The following LUC7L variants were observed in gnomAD, a reference collection of about 807,000 sequenced individuals.
LUC7L encodes putative RNA-binding protein Luc7-like 1.
Under a neutral mutation model 51.1 loss-of-function variants are expected in LUC7L, and 29 were observed. That is an observed-to-expected ratio of 0.57 (90% CI 0.42 to 0.77). LUC7L has a LOEUF of 0.77. LUC7L is among the 30% of genes least tolerant of loss of function. LUC7L has a pLI of 0.00. For missense variants in LUC7L, 403 were observed against 511.9 expected (o/e 0.79, Z 2.05); for synonymous variants, 181 against 180.7 (o/e 1.00, Z -0.01).
At chr16:191,800 G>A (rs9937231) in intron 7 of LUC7L, among the ~76,000 whole-genome samples, 3,444 of 152,212 alleles carry the variant, frequency 0.023, 141 homozygotes, top group African/African-American at 0.078. Context: ...AGCCGATATC[G>A]CACCACTGCA....
rs911047718 is a variant in LUC7L at position 189,609 on chromosome 16, A to G, written c.975-270T>C. 8 of 1,338,204 alleles carry G rather than the reference A, an allele frequency of 6.0e-6. No individual in the cohort carries two copies. In the Admixed American group the frequency reaches 2.0e-4, roughly 33 times the overall value. 82.9% of individuals were successfully genotyped at this position (1,338,204 alleles called of 1,614,324 possible). The stretch of plus-strand genomic sequence containing the variant: ...GAATACAACACTATATGCACAGAAC[A>G]TGACACTACGTAAAAACACAATGGA... On this transcript the variant is annotated intron_variant, in intron 9 of 9. Coordinates refer to ENST00000293872, the MANE Select transcript of LUC7L (RefSeq NM_201412.3).
rs2048939087 is a variant in LUC7L, at chr16:189,048, C to CAACTCTGTACACTTCTAGA, written c.*131_*149dup. ...TCAACATGACCCGGGAACACAGGAG[C>CAACTCTGTACACTTCTAGA]AACTCTGTACACTTCTAGAAACTCA... On this transcript the variant is annotated 3_prime_UTR_variant, in exon 10 of 10. Transcript: ENST00000293872. 1 of 845,176 alleles carries CAACTCTGTACACTTCTAGA rather than the reference C, an allele frequency of 1.2e-6. No individual in the cohort carries two copies. Among genetic ancestry groups the CAACTCTGTACACTTCTAGA allele is most frequent in the Non-Finnish European group, 1.8e-6 (1 of 545,746 alleles). The allele number at this position is 845,176 out of a possible 1,614,324, so 52.4% of individuals were successfully genotyped here.
chr16:209,412 C>G (rs564260038), intron 3 of LUC7L: 2 of 151,062 alleles, frequency 1.3e-5, no homozygotes, highest in South Asian at 2.1e-4. Flanking sequence ...ATCGCTTGAA[C>G]CTGGGAGGAA....
At chr16:195,614 G>T (rs988367302) in intron 6 of LUC7L, among the ~76,000 whole-genome samples, 16 of 152,168 alleles carry the variant, frequency 1.1e-4, no homozygotes, top group African/African-American at 3.6e-4. Context: ...GGTAGAGACA[G>T]GGTCTCCTTA....
chr16:229,034 G>GA, intron 1 of LUC7L: 2 of 1,426,360 alleles, frequency 1.4e-6, no homozygotes, highest in Non-Finnish European at 1.8e-6. Context: ...CGGTACATAG[G>GA]AAGGAGGCTG....
intron 5 of LUC7L, among the ~76,000 whole-genome samples, chr16:202,982 C>A (rs903280548): frequency 1.3e-5 from 2 of 152,090 alleles, no homozygotes; most frequent in African/African-American, 2.4e-5. Flanking sequence ...ACCCCGTCTT[C>A]TCTACTAAAA....
chr16:216,971 C>T (rs2049820197), intron 3 of LUC7L, among the ~76,000 whole-genome samples: 2 of 152,102 alleles, frequency 1.3e-5, no homozygotes, highest in South Asian at 4.1e-4. Flanking sequence ...GTTGAGATTA[C>T]AGGCGTGAGC....
rs568295340 is a variant in LUC7L at position 205,278 on chromosome 16, C to T, written c.510+726G>A. Among the ~76,000 whole-genome samples, 22 of 152,274 alleles carry T rather than the reference C, an allele frequency of 1.4e-4. No individual in the cohort carries two copies. The South Asian group carries it at 3.9e-3, about 27-fold the overall frequency. On this transcript the variant is annotated intron_variant, in intron 5 of 9. Coordinates refer to ENST00000293872, the MANE Select transcript of LUC7L (RefSeq NM_201412.3). ...GATCCTCTCATCTCAGCCTCCCGAA[C>T]AGCTGAGACTAAAGCCAAGAGCCAC...
At chr16:189,587 TACA>T (rs2048954539) in intron 9 of LUC7L, 1 of 1,362,192 alleles carries the variant, frequency 7.3e-7, no homozygotes, top group Non-Finnish European at 9.4e-7. Flanking sequence ...CAAAGGAGAA[TACA>T]ACACTATATG....
intron 4 of LUC7L, 151 bp downstream of exon 4, chr16:207,927 T>C: frequency 2.0e-6 from 1 of 510,358 alleles, no homozygotes; most frequent in East Asian, 3.9e-5. Flanking sequence ...GAGAATGGCA[T>C]GAACCCGGGA....
intron 2 of LUC7L, among the ~76,000 whole-genome samples, chr16:226,990 C>A (rs1289738673): frequency 1.3e-5 from 2 of 152,244 alleles, no homozygotes; most frequent in African/African-American, 4.8e-5. Context: ...GGTAGGATTG[C>A]TGGAGCCCAG....
intron 3 of LUC7L, chr16:209,727 G>A (rs1295561096): frequency 1.3e-5 from 2 of 152,200 alleles, no homozygotes; most frequent in Non-Finnish European, 2.9e-5. Context: ...GATAACCTAA[G>A]TCACCGCTCC....
At chr16:224,365 A>G (rs2050063635) in intron 2 of LUC7L, among the ~76,000 whole-genome samples, 1 of 151,142 alleles carries the variant, frequency 6.6e-6, no homozygotes, top group Non-Finnish European at 1.5e-5. Context: ...CTAAAAATAC[A>G]AAAATTAGCC....
intron 9 of LUC7L, chr16:189,615 C>T: frequency 2.3e-6 from 3 of 1,328,462 alleles, no homozygotes; most frequent in Non-Finnish European, 2.9e-6. Flanking sequence ...GAACATGACA[C>T]TACGTAAAAA....
intron 3 of LUC7L, among the ~76,000 whole-genome samples, chr16:210,508 C>T (rs1203968570): frequency 1.3e-5 from 2 of 152,140 alleles, no homozygotes; most frequent in Non-Finnish European, 2.9e-5. Context: ...CTCTTCTGTG[C>T]TTACCTCAGA....
intron 5 of LUC7L, among the ~76,000 whole-genome samples, chr16:200,498 C>G (rs2049293198): frequency 6.6e-6 from 1 of 151,620 alleles, no homozygotes; most frequent in South Asian, 2.1e-4. Context: ...ATTGTTTAAG[C>G]CCAGGAGGTG....
intron 6 of LUC7L, among the ~76,000 whole-genome samples, chr16:194,191 C>T (rs540749273): frequency 6.6e-6 from 1 of 152,208 alleles, no homozygotes; most frequent in South Asian, 2.1e-4. Context: ...GGAGCCTTGA[C>T]CTCCCAGGCT....
At chr16:205,901 A>T in intron 5 of LUC7L, 103 bp downstream of exon 5, 1 of 1,412,638 alleles carries the variant, frequency 7.1e-7, no homozygotes, top group Non-Finnish European at 9.6e-7. Context: ...AAATGTATAA[A>T]TTTTTTAAAA....
chr16:223,360 A>T (rs2050030923), intron 2 of LUC7L, among the ~76,000 whole-genome samples: 1 of 152,116 alleles, frequency 6.6e-6, no homozygotes, highest in Non-Finnish European at 1.5e-5. Context: ...AAAAAATAAA[A>T]TAAAATAAAA....
Sources: allele counts gnomAD v4.1 joint callset (sites outside exome capture counted in the v4.1 genomes callset), GRCh38; gene constraint gnomAD v4.1.1; transcripts MANE v1.5; gene names NCBI Gene and HGNC (gene_info 2026-07-23, HGNC 2026-07-21).